The following AKR1C1 variants were observed in gnomAD, a reference collection of about 807,000 sequenced individuals.
AKR1C1 encodes 20 alpha-hydroxysteroid dehydrogenase.
In AKR1C1, 32 loss-of-function variants were observed where a neutral mutation model predicts 40.6. The observed-to-expected ratio is 0.79, with a 90% confidence interval of 0.60 to 1.06. The LOEUF (loss-of-function observed/expected upper bound fraction) is 1.06, where lower values mean the gene tolerates loss of function less well. Ranked by LOEUF, AKR1C1 falls within the 50% of genes least tolerant of loss-of-function variation. The probability of loss-of-function intolerance (pLI) is 0.00; values close to 1 mark genes in which losing one functional copy is unlikely to be tolerated. For synonymous variants in AKR1C1, 105 were observed against 134.2 expected (o/e 0.78, Z 1.50); for missense variants, 320 against 363.5 (o/e 0.88, Z 0.97).
chr10:4,971,420 A>G (rs372471224), intron 5 of AKR1C1, among the ~76,000 whole-genome samples: 3,325 of 150,710 alleles, frequency 0.022, 46 homozygotes, highest in Non-Finnish European at 0.033. Context: ...CGCACTAATT[A>G]CTACAGACTC....
At chr10:4,968,745 T>C in intron 4 of AKR1C1, 77 bp from the exon 5 acceptor site, 1 of 1,607,602 alleles carries the variant, frequency 6.2e-7, no homozygotes. Context: ...TATTGTCATA[T>C]CTAGACAGTT....
intron 3 of AKR1C1, 135 bp downstream of exon 3, chr10:4,967,178 T>C: frequency 1.9e-6 from 2 of 1,031,614 alleles, no homozygotes. Flanking sequence ...TAAATCTAAC[T>C]CCTAATTCCT....
chr10:4,968,554 A>G (rs1275720042), intron 4 of AKR1C1, among the ~76,000 whole-genome samples, 168 bp downstream of exon 4: 2 of 152,158 alleles, frequency 1.3e-5, no homozygotes, highest in Non-Finnish European at 2.9e-5. Flanking sequence ...AGGCATACAA[A>G]AGAGAGAAGT....
Position 4,968,814 on chromosome 10 carries a change from T to G in AKR1C1, c.448-8T>G, listed in dbSNP as rs113645163. 0.018 allele frequency: 29,345 copies of G among 1,614,194 alleles called. 341 individuals carry two copies. The highest frequency in any genetic ancestry group is 0.037 in the South Asian group (3,412 of 91,082). ...GATCTTCCACACCTCACAATTCCTT[T>G]TTCCCAGGCCGTGGAGAAGTGTAAA... On this transcript the variant is annotated splice_region_variant and splice_polypyrimidine_tract_variant and intron_variant, in intron 4 of 8. Coordinates refer to ENST00000380872, the MANE Select transcript of AKR1C1 (RefSeq NM_001353.6).
chr10:4,976,403 T>A (rs1419524475), intron 8 of AKR1C1, among the ~76,000 whole-genome samples: 6 of 152,062 alleles, frequency 3.9e-5, no homozygotes, highest in Admixed American at 3.9e-4. Context: ...ATGGAATTGC[T>A]TGCTGGATCC....
chr10:4,966,107 T>G (rs920644543), intron 2 of AKR1C1, 26 bp downstream of exon 2: 2 of 1,602,068 alleles, frequency 1.2e-6, no homozygotes, highest in African/African-American at 2.7e-5. Context: ...TGAGCTTGTG[T>G]GCACATGTAT....
At chr10:4,968,051 A>C (rs1836357971) in intron 3 of AKR1C1, 1 of 470,776 alleles carries the variant, frequency 2.1e-6, no homozygotes, top group Non-Finnish European at 3.7e-6. Context: ...AGTCAATGAA[A>C]GTCAATGATG....
At position 4,972,699 on chromosome 10, in the gene AKR1C1, G is replaced by C. The variant is rs782452985; in HGVS notation, c.796G>C (p.Val266Leu). The C allele has an allele frequency of 3.7e-6, 6 of 1,612,536 alleles. No individual in the cohort carries two copies. The highest frequency in any genetic ancestry group is 5.1e-6 in the Non-Finnish European group (6 of 1,180,028). ...GCGCTACCAGCTACAGCGTGGGGTT[G>C]TGGTCCTGGCCAAGAGCTACAATGA... Reference protein sequence around the residue: ...ALRYQLQRGVVVLAKSYNEQR... With the variant: ...ALRYQLQRGVLVLAKSYNEQR... The change falls in exon 7 of 9, where the codon GTG becomes CTG. Residue 266 changes from valine to leucine, a missense_variant. Val to Leu is a conservative substitution (Grantham distance 32). Coordinates refer to ENST00000380872, the MANE Select transcript of AKR1C1 (RefSeq NM_001353.6).
intron 8 of AKR1C1, 103 bp from the exon 9 acceptor site, chr10:4,977,597 T>A (rs570826269): frequency 7.3e-7 from 1 of 1,379,090 alleles, no homozygotes; most frequent in South Asian, 1.3e-5. Context: ...AAAATGAACT[T>A]CTTAACATCT....
intron 7 of AKR1C1, among the ~76,000 whole-genome samples, chr10:4,974,157 A>G (rs1554770209): frequency 1.3e-5 from 2 of 151,742 alleles, no homozygotes; most frequent in African/African-American, 4.8e-5. Context: ...TAGAAAACCC[A>G]CAAAACTAAA....
Position 4,977,878 on chromosome 10 carries a change from C to T in AKR1C1, c.*136C>T. 2.3e-6 allele frequency: 3 copies of T among 1,330,238 alleles called. No homozygotes were observed. Among genetic ancestry groups the T allele is most frequent in the Admixed American group, 2.6e-5 (1 of 39,012 alleles). The allele number at this position is 1,330,238 out of a possible 1,614,324, so 82.4% of individuals were successfully genotyped here. A position where few individuals can be genotyped will look rare whatever the true frequency, so the allele number is the denominator to read the frequency against. ...GCTTGGTGATTTCAGCAAGCTACAG[C>T]AAAGCCCATTGGCCAGAAAGGAAAG... On this transcript the variant is annotated 3_prime_UTR_variant, in exon 9 of 9. Coordinates refer to ENST00000380872, the MANE Select transcript of AKR1C1 (RefSeq NM_001353.6).
intron 3 of AKR1C1, 112 bp from the exon 4 acceptor site, chr10:4,968,197 C>T (rs1176229558): frequency 1.5e-6 from 2 of 1,358,146 alleles, no homozygotes; most frequent in South Asian, 1.3e-5. Context: ...CTCTCTGGAG[C>T]ACTGCATCAC....
chr10:4,972,532 A>T, intron 6 of AKR1C1, 52 bp from the exon 7 acceptor site: 4 of 1,610,674 alleles, frequency 2.5e-6, no homozygotes, highest in Non-Finnish European at 2.5e-6. Context: ...GAGCCGCCTA[A>T]CAAACTGTAT....
chr10:4,979,009 T>G lies in AKR1C1; in HGVS notation c.*1267T>G, dbSNP rs1243229737. 1 of 152,112 alleles carries G rather than the reference T, an allele frequency of 6.6e-6. No individual in the cohort carries two copies. Among genetic ancestry groups the G allele is most frequent in the African/African-American group, 2.4e-5 (1 of 41,398 alleles). The allele number at this position is 152,112 out of a possible 1,614,324, so 9.4% of individuals were successfully genotyped here. A position where few individuals can be genotyped will look rare whatever the true frequency, so the allele number is the denominator to read the frequency against. On this transcript the variant is annotated 3_prime_UTR_variant, in exon 9 of 9. Coordinates refer to ENST00000380872, the MANE Select transcript of AKR1C1 (RefSeq NM_001353.6). ...CAAAGCATTATGAGAAGGACAGTGG[T>G]TTTTAACCTGGGCATATGTTCTAAC...
chr10:4,974,481 T>C (rs1365351506), intron 7 of AKR1C1, among the ~76,000 whole-genome samples: 1 of 152,076 alleles, frequency 6.6e-6, no homozygotes, highest in Non-Finnish European at 1.5e-5. Context: ...TTGGTGAGTG[T>C]TGTGTCTTAT....
Position 4,977,811 on chromosome 10 carries a change from A to T in AKR1C1, c.*69A>T, listed in dbSNP as rs548442452. 3 of 1,480,042 alleles carry T rather than the reference A, an allele frequency of 2.0e-6. No homozygotes were observed. The highest frequency in any genetic ancestry group is 1.9e-6 in the Non-Finnish European group (2 of 1,068,280). The allele number at this position is 1,480,042 out of a possible 1,614,324, so 91.7% of individuals were successfully genotyped here. On this transcript the variant is annotated 3_prime_UTR_variant, in exon 9 of 9. Transcript: ENST00000380872. The stretch of plus-strand genomic sequence containing the variant: ...GGATGGTGACACAGAGGATGGCTCT[A>T]TGCTGGTGACTGGACACATCGCCTC...
chr10:4,967,098 G>GT, intron 3 of AKR1C1, 55 bp downstream of exon 3: 1 of 1,528,164 alleles, frequency 6.5e-7, no homozygotes, highest in South Asian at 1.1e-5. Context: ...CATAAATATT[G>GT]TTTTTATGGA....
chr10:4,965,635 A>C (rs1016432591), intron 1 of AKR1C1: 3 of 338,022 alleles, frequency 8.9e-6, no homozygotes, highest in African/African-American at 2.1e-5. Context: ...GCATCCTGTT[A>C]ATTTTTCCAA....
In AKR1C1 at chr10:4,967,011, C is replaced by G. The variant is rs200730776; in HGVS notation, c.337C>G (p.Leu113Val). The stretch of plus-strand genomic sequence containing the variant: ...AAATCTTCAATTGGATTATGTTGAC[C>G]TCTACCTTATTCATTTTCCAGTGTC... ...LKNLQLDYVD[L>V]YLIHFPVSVK... Residue 113 changes from leucine to valine, a missense_variant, in exon 3 of 9, where the codon CTC becomes GTC. Physicochemically the swap from Leu to Val is conservative, Grantham distance 32. Coordinates refer to ENST00000380872, the MANE Select transcript of AKR1C1 (RefSeq NM_001353.6). The G allele has an allele frequency of 4.6e-5, 74 of 1,613,904 alleles. No homozygotes were observed. In the East Asian group the frequency reaches 1.5e-3, roughly 34 times the overall value.
Sources: allele counts gnomAD v4.1 joint callset (sites outside exome capture counted in the v4.1 genomes callset), GRCh38; gene constraint gnomAD v4.1.1; transcripts MANE v1.5; gene names NCBI Gene and HGNC (gene_info 2026-07-23, HGNC 2026-07-21).